Variants in RDX observed in about 807,000 individuals in gnomAD.
RDX encodes radixin, also known as deafness, autosomal recessive 24.
In RDX, 32 loss-of-function variants were observed where a neutral mutation model predicts 83.7. That is an observed-to-expected ratio of 0.38 (90% CI 0.29 to 0.51). The LOEUF (loss-of-function observed/expected upper bound fraction) is 0.51, where lower values mean the gene tolerates loss of function less well. Among genes scored for constraint, RDX ranks in the 20% least tolerant of loss-of-function variants. The probability of loss-of-function intolerance (pLI) is 0.87; values close to 1 mark genes in which losing one functional copy is unlikely to be tolerated. For synonymous variants in RDX, 229 were observed against 222.7 expected (o/e 1.03, Z -0.25); for missense variants, 600 against 689.9 (o/e 0.87, Z 1.46).
intron 9 of RDX, among the ~76,000 whole-genome samples, chr11:110,251,708 G>A (rs907182124): frequency 3.3e-5 from 5 of 152,062 alleles, no homozygotes; most frequent in African/African-American, 1.2e-4. Context: ...ATACAAAAAC[G>A]TGCAAAAATT....
chr11:110,267,323 G>C (rs2134390126), intron 3 of RDX, among the ~76,000 whole-genome samples: 1 of 152,062 alleles, frequency 6.6e-6, no homozygotes, highest in South Asian at 2.1e-4. Flanking sequence ...GACCAGCCTG[G>C]TCAACATGGT....
Position 110,233,379 on chromosome 11 carries a change from G to A in RDX, c.1445C>T (p.Thr482Ile). ...PPPPPPVIPPTENEHDEHDEN... is the reference protein window; with the variant it reads ...PPPPPPVIPPIENEHDEHDEN... Reference sequence around the variant, plus strand: ...ATCGTGTTCATCATGTTCGTTTTCTGTTGGAGGAATGACTGGTGGTGGTGG... The same window carrying A: ...ATCGTGTTCATCATGTTCGTTTTCTATTGGAGGAATGACTGGTGGTGGTGG... The change falls in exon 13 of 14, where the codon ACA becomes ATA. Residue 482 changes from threonine (T) to isoleucine (I), a missense_variant. Coordinates refer to ENST00000645495, the MANE Select transcript of RDX (RefSeq NM_002906.4). 1 of 1,614,126 alleles carries A rather than the reference G, an allele frequency of 6.2e-7. No individual in the cohort carries two copies. Among genetic ancestry groups the A allele is most frequent in the Non-Finnish European group, 8.5e-7 (1 of 1,180,030 alleles).
At chr11:110,241,397 A>C (rs1008227662) in intron 10 of RDX, among the ~76,000 whole-genome samples, 1 of 151,928 alleles carries the variant, frequency 6.6e-6, no homozygotes, top group Non-Finnish European at 1.5e-5. Context: ...CCTGGGTTTA[A>C]GCAATTCTCC....
intron 15 of RDX, chr11:110,185,138 A>G (rs530581766): frequency 3.9e-5 from 6 of 152,358 alleles, no homozygotes; most frequent in African/African-American, 1.4e-4. Flanking sequence ...AGAACTGAGC[A>G]TGTCTCAAAC....
At chr11:110,249,622 T>A (rs891639594) in intron 9 of RDX, among the ~76,000 whole-genome samples, 1 of 152,134 alleles carries the variant, frequency 6.6e-6, no homozygotes, top group Admixed American at 6.5e-5. Context: ...GCATGGTGGC[T>A]CACCACATTG....
intron 6 of RDX, 56 bp downstream of exon 6, chr11:110,258,050 G>T (rs535308086): frequency 1.4e-6 from 2 of 1,469,570 alleles, no homozygotes; most frequent in Admixed American, 1.7e-5. Context: ...TAAATGTTAC[G>T]ACATGAAAAT....
intron 14 of RDX, among the ~76,000 whole-genome samples, chr11:110,216,370 T>G (rs1024242754): frequency 2.7e-5 from 4 of 150,668 alleles, no homozygotes; most frequent in African/African-American, 9.9e-5. Context: ...TTGCCAAACT[T>G]TTTCTAATTT....
In RDX at chr11:110,209,003, AACAGCTCCG is replaced by A. The variant is rs1429773538; in HGVS notation, c.1749-9334_1749-9326del. Among the ~76,000 whole-genome samples, 12 of 152,296 alleles carry A rather than the reference AACAGCTCCG, an allele frequency of 7.9e-5. No individual in the cohort carries two copies. The East Asian group carries it at 1.7e-3, about 22-fold the overall frequency. ...ATAATGCGGAAGATGGCCGAATAGG[AACAGCTCCG>A]GTCTACAGCTCCCAGCGTGAGCGAC... On this transcript the variant is annotated intron_variant, in intron 14 of 15. Transcript: ENST00000528498.
intron 7 of RDX, among the ~76,000 whole-genome samples, chr11:110,256,275 T>G (rs1362798522): frequency 1.3e-5 from 2 of 151,998 alleles, no homozygotes; most frequent in African/African-American, 4.8e-5. Context: ...TCAAGCAGAG[T>G]AGGTACTGCA....
At chr11:110,177,349 T>TG (rs1862796448) in intron 15 of RDX, among the ~76,000 whole-genome samples, 1 of 152,192 alleles carries the variant, frequency 6.6e-6, no homozygotes, top group Non-Finnish European at 1.5e-5. Context: ...TCCTTAATCT[T>TG]GAAGCTCAGC....
intron 14 of RDX, among the ~76,000 whole-genome samples, chr11:110,221,670 GAAC>G (rs1350863516): frequency 6.8e-6 from 1 of 146,614 alleles, no homozygotes; most frequent in Non-Finnish European, 1.5e-5. Flanking sequence ...ATAGGCACAA[GAAC>G]AATATCTAAA....
intron 14 of RDX, among the ~76,000 whole-genome samples, chr11:110,203,958 C>T (rs559831975): frequency 1.3e-5 from 2 of 152,148 alleles, no homozygotes; most frequent in Non-Finnish European, 2.9e-5. Flanking sequence ...GGGAGGATCA[C>T]TTGAGCCTGG....
intron 2 of RDX, among the ~76,000 whole-genome samples, chr11:110,278,703 T>C (rs182492368): frequency 1.3e-4 from 20 of 152,238 alleles, no homozygotes; most frequent in African/African-American, 4.8e-4. Context: ...TTTTTGATCT[T>C]TATGCCTTTT....
Position 110,200,853 on chromosome 11 carries a change from T to C in RDX, c.1749-1175A>G, listed in dbSNP as rs550151861. 3.9e-5 allele frequency among the ~76,000 whole-genome samples: 6 copies of C among 152,330 alleles called. No homozygotes were observed. The East Asian group carries it at 1.2e-3, about 29-fold the overall frequency. On this transcript the variant is annotated intron_variant, in intron 14 of 15. Coordinates refer to the RDX transcript ENST00000528498. ...AGAACATTTTAAAGGGAATTCTAACTATTTTCAAAGACTTTGAAGGTTAGT... is the reference window on the plus strand; with the variant it reads ...AGAACATTTTAAAGGGAATTCTAACCATTTTCAAAGACTTTGAAGGTTAGT...
At chr11:110,212,083 G>T (rs1299435732) in intron 14 of RDX, among the ~76,000 whole-genome samples, 1 of 138,114 alleles carries the variant, frequency 7.2e-6, no homozygotes, top group Non-Finnish European at 1.6e-5. Flanking sequence ...TTGATAGACC[G>T]CTAGCAAGAC....
chr11:110,215,011 TAAA>T (rs967407530), intron 14 of RDX, among the ~76,000 whole-genome samples: 1 of 99,688 alleles, frequency 1.0e-5, no homozygotes, highest in Non-Finnish European at 2.1e-5. Context: ...ATGAAAAAAA[TAAA>T]AAAAACATTT....
At chr11:110,236,595 G>T in intron 11 of RDX, 1 of 173,544 alleles carries the variant, frequency 5.8e-6, no homozygotes, top group Non-Finnish European at 1.2e-5. Context: ...ATCCTAACAG[G>T]TAGTATCATT....
chr11:110,186,688 A>G (rs1461409669), intron 15 of RDX, among the ~76,000 whole-genome samples: 1 of 152,102 alleles, frequency 6.6e-6, no homozygotes, highest in Non-Finnish European at 1.5e-5. Flanking sequence ...ATCTTTCCGC[A>G]GGGGTTCCAT....
At chr11:110,264,389 A>G (rs1171569103) in intron 4 of RDX, among the ~76,000 whole-genome samples, 155 bp from the exon 5 acceptor site, 1 of 152,218 alleles carries the variant, frequency 6.6e-6, no homozygotes, top group East Asian at 1.9e-4. Flanking sequence ...GTAAACAAAT[A>G]TATGTGGTAA....
Sources: allele counts gnomAD v4.1 joint callset (sites outside exome capture counted in the v4.1 genomes callset), GRCh38; gene constraint gnomAD v4.1.1; transcripts MANE v1.5; gene names NCBI Gene and HGNC (gene_info 2026-07-23, HGNC 2026-07-21).